EBF1: variants seen among roughly 807,000 people sequenced by gnomAD.
EBF1 encodes the protein EBF transcription factor 1, also known as transcription factor COE1.
EBF1 carries 10 observed loss-of-function variants against 68.4 expected under a neutral mutation model. That is an observed-to-expected ratio of 0.15 (90% CI 0.09 to 0.25). EBF1 has a LOEUF of 0.25. EBF1 is among the 10% of genes least tolerant of loss of function. EBF1 has a pLI of 1.00. For synonymous variants in EBF1, 298 were observed against 299.8 expected (o/e 0.99, Z 0.06); for missense variants, 509 against 794.4 (o/e 0.64, Z 4.32).
chr5:158,708,852 T>A (rs1244804648), intron 14 of EBF1, among the ~76,000 whole-genome samples: 1 of 152,278 alleles, frequency 6.6e-6, no homozygotes, highest in East Asian at 1.9e-4. Context: ...ATAACCGCCA[T>A]GGGATATACA....
intron 6 of EBF1, among the ~76,000 whole-genome samples, chr5:158,894,983 C>A (rs895537749): frequency 1.3e-5 from 2 of 152,044 alleles, no homozygotes; most frequent in African/African-American, 4.8e-5. Flanking sequence ...TATGTAACAA[C>A]CCATCAGTGA....
At chr5:158,753,156 A>G (rs1226843360) in intron 10 of EBF1, among the ~76,000 whole-genome samples, 1 of 152,094 alleles carries the variant, frequency 6.6e-6, no homozygotes, top group Non-Finnish European at 1.5e-5. Flanking sequence ...GCAATCTAAC[A>G]GGATAATATA....
chr5:158,994,150 G>A (rs1304672643), intron 6 of EBF1, among the ~76,000 whole-genome samples: 1 of 152,174 alleles, frequency 6.6e-6, no homozygotes. Context: ...CTCAGAAGGA[G>A]AACAACATGA....
In EBF1 at chr5:158,702,701, G is replaced by A. The variant is rs1056064507; in HGVS notation, c.1745-3559C>T. The stretch of plus-strand genomic sequence containing the variant: ...AGAGCTTGCAGTGAGCCGAGATCGC[G>A]CCACTGCACTCCAGCCTGGGCTACA... On this transcript the variant is annotated intron_variant, in intron 15 of 15. Transcript: ENST00000313708. 7.0e-5 allele frequency among the ~76,000 whole-genome samples: 9 copies of A among 128,278 alleles called. No individual in the cohort carries two copies. The South Asian group carries it at 7.7e-4, about 11-fold the overall frequency. 84.2% of individuals were successfully genotyped at this position (128,278 alleles called of 152,430 possible). A position where few individuals can be genotyped will look rare whatever the true frequency, so the allele number is the denominator to read the frequency against.
intron 10 of EBF1, among the ~76,000 whole-genome samples, chr5:158,763,685 G>A (rs1382957759): frequency 1.3e-5 from 2 of 152,102 alleles, no homozygotes; most frequent in East Asian, 3.8e-4. Flanking sequence ...GAAATAAAGA[G>A]TTTATCAAAC....
chr5:158,837,669 G>A (rs764208465), intron 7 of EBF1, among the ~76,000 whole-genome samples: 2 of 152,076 alleles, frequency 1.3e-5, no homozygotes, highest in Non-Finnish European at 2.9e-5. Context: ...TGTATAACAG[G>A]TATATTTCTA....
chr5:159,008,524 C>CTTTTTTTTTTTT (rs372441248), intron 6 of EBF1, among the ~76,000 whole-genome samples: 1 of 138,300 alleles, frequency 7.2e-6, no homozygotes. Context: ...TTTTTCTTTT[C>CTTTTTTTTTTTT]TTTTTTTTTT....
intron 6 of EBF1, among the ~76,000 whole-genome samples, chr5:159,014,721 G>A (rs1765333331): frequency 6.6e-6 from 1 of 152,210 alleles, no homozygotes; most frequent in Admixed American, 6.5e-5. Flanking sequence ...AGGTAACCAT[G>A]TGACCAATTC....
intron 8 of EBF1, among the ~76,000 whole-genome samples, chr5:158,804,423 C>T (rs1205787717): frequency 6.6e-6 from 1 of 152,018 alleles, no homozygotes; most frequent in Non-Finnish European, 1.5e-5. Flanking sequence ...AGCACCTGAG[C>T]AAGGGAAGGA....
Position 159,052,811 on chromosome 5 carries a change from C to T in EBF1, c.554+20585G>A, listed in dbSNP as rs369575994. Among the ~76,000 whole-genome samples, 24 of 152,328 alleles carry T rather than the reference C, an allele frequency of 1.6e-4. No homozygotes were observed. The East Asian group carries it at 3.9e-3, about 24-fold the overall frequency. The stretch of plus-strand genomic sequence containing the variant: ...AGGAACCCAGGGCAGGTTCAGGAAA[C>T]GGTTCCGTGTTCCTGCCCTTAGCTT... On this transcript the variant is annotated intron_variant, in intron 6 of 15. Coordinates refer to ENST00000313708, the MANE Select transcript of EBF1 (RefSeq NM_024007.5).
intron 11 of EBF1, among the ~76,000 whole-genome samples, chr5:158,715,465 T>C (rs536979130): frequency 1.3e-5 from 2 of 152,352 alleles, no homozygotes; most frequent in East Asian, 3.9e-4. Flanking sequence ...GATAAAGTAG[T>C]TGTCATACTA....
At chr5:158,982,666 T>C (rs1758122414) in intron 6 of EBF1, among the ~76,000 whole-genome samples, 2 of 149,780 alleles carry the variant, frequency 1.3e-5, no homozygotes, top group African/African-American at 5.0e-5. Context: ...AATTTTTCCA[T>C]CACAAGTCCA....
At chr5:158,835,668 A>G (rs1788610806) in intron 7 of EBF1, among the ~76,000 whole-genome samples, 1 of 152,146 alleles carries the variant, frequency 6.6e-6, no homozygotes, top group Non-Finnish European at 1.5e-5. Context: ...CTCACAGACT[A>G]TGGACAATTT....
At chr5:158,960,350 C>G (rs904581918) in intron 6 of EBF1, among the ~76,000 whole-genome samples, 3 of 151,888 alleles carry the variant, frequency 2.0e-5, no homozygotes, top group African/African-American at 7.3e-5. Flanking sequence ...ATTATAGAAA[C>G]ACTAAAGAGG....
chr5:158,701,717 T>G (rs1179013142), intron 15 of EBF1, among the ~76,000 whole-genome samples: 1 of 152,220 alleles, frequency 6.6e-6, no homozygotes, highest in African/African-American at 2.4e-5. Context: ...AGCTAGAGAT[T>G]TAGACTTTGT....
chr5:158,724,107 A>T (rs1193333754), intron 11 of EBF1, among the ~76,000 whole-genome samples: 1 of 152,100 alleles, frequency 6.6e-6, no homozygotes, highest in Non-Finnish European at 1.5e-5. Flanking sequence ...GATACAGGAG[A>T]GAGTGGGGGA....
chr5:158,878,887 G>T (rs537524227), intron 6 of EBF1, among the ~76,000 whole-genome samples: 1 of 151,962 alleles, frequency 6.6e-6, no homozygotes, highest in East Asian at 1.9e-4. Flanking sequence ...CAAGTGTTCC[G>T]CCTGCCTTAG....
At chr5:158,818,145 C>T (rs997736957) in intron 8 of EBF1, among the ~76,000 whole-genome samples, 1 of 152,148 alleles carries the variant, frequency 6.6e-6, no homozygotes. Context: ...TTCCCAGGGC[C>T]ACTTCAGCCA....
At chr5:158,889,378 T>C (rs1298234684) in intron 6 of EBF1, among the ~76,000 whole-genome samples, 1 of 152,188 alleles carries the variant, frequency 6.6e-6, no homozygotes, top group African/African-American at 2.4e-5. Flanking sequence ...AGGATCCACT[T>C]TGTCATTCTA....
Sources: gnomAD v4.1 joint callset for allele counts (sites outside exome capture counted in the v4.1 genomes callset) on GRCh38, gnomAD v4.1.1 for gene constraint, MANE v1.5 for transcripts, NCBI Gene and HGNC (gene_info 2026-07-23, HGNC 2026-07-21) for gene names.